PTAR1: variants seen among roughly 807,000 people sequenced by gnomAD.
PTAR1 encodes protein prenyltransferase alpha subunit repeat containing 1.
Under a neutral mutation model 45.5 loss-of-function variants are expected in PTAR1, and 17 were observed. The observed-to-expected ratio is 0.37, with a 90% CI of 0.26 to 0.56. The LOEUF is 0.56. PTAR1 is among the 20% of genes least tolerant of loss of function. PTAR1 has a pLI of 0.77. For synonymous variants in PTAR1, 169 were observed against 171.3 expected (o/e 0.99, Z 0.11); for missense variants, 391 against 476.3 (o/e 0.82, Z 1.67).
intron 3 of PTAR1, among the ~76,000 whole-genome samples, chr9:69,734,669 T>C (rs1825701842): frequency 6.6e-6 from 1 of 152,122 alleles, no homozygotes; most frequent in South Asian, 2.1e-4. Context: ...GGACTTGACA[T>C]GGTCTATTTC....
At chr9:69,757,778 CCT>C (rs1826857886) in intron 1 of PTAR1, 1 of 151,482 alleles carries the variant, frequency 6.6e-6, no homozygotes, top group Admixed American at 6.6e-5. Context: ...AGAAACACAG[CCT>C]CTTTATTTTG....
intron 5 of PTAR1, among the ~76,000 whole-genome samples, chr9:69,724,723 CAGTG>C (rs1825185280): frequency 6.6e-6 from 1 of 152,196 alleles, no homozygotes; most frequent in African/African-American, 2.4e-5. Context: ...TCATTAAACT[CAGTG>C]AGTGAGGGCT....
intron 3 of PTAR1, among the ~76,000 whole-genome samples, chr9:69,740,654 GA>G (rs11298970): frequency 0.034 from 4,846 of 143,028 alleles, 245 homozygotes; most frequent in African/African-American, 0.11. Flanking sequence ...AAACAAAGGG[GA>G]AAAAAAAAAA....
At chr9:69,737,311 G>C (rs183688079) in intron 3 of PTAR1, among the ~76,000 whole-genome samples, 2 of 152,140 alleles carry the variant, frequency 1.3e-5, no homozygotes, top group Admixed American at 1.3e-4. Context: ...AAACTTCTGA[G>C]CTCAAGCAAT....
At chr9:69,744,769 T>C (rs1826203025) in intron 2 of PTAR1, among the ~76,000 whole-genome samples, 1 of 152,146 alleles carries the variant, frequency 6.6e-6, no homozygotes, top group African/African-American at 2.4e-5. Flanking sequence ...TGCACGCAGG[T>C]CCTCTCTAAT....
At chr9:69,741,327 C>T (rs1826034844) in intron 3 of PTAR1, among the ~76,000 whole-genome samples, 1 of 152,176 alleles carries the variant, frequency 6.6e-6, no homozygotes, top group Non-Finnish European at 1.5e-5. Context: ...TGTTTCTCTT[C>T]CAGACACTGC....
In PTAR1 at chr9:69,715,035, AG is replaced by A. The variant is rs1383897140; in HGVS notation, c.*3306del. On this transcript the variant is annotated 3_prime_UTR_variant, in exon 8 of 8. Coordinates refer to ENST00000340434, the MANE Select transcript of PTAR1 (RefSeq NM_001099666.2). Reference sequence around the variant, plus strand: ...TAAAAGCAGTTTCGGCTCTGTATGCAGGATCTGTCCTCTAGTATCACAAATG... The same window carrying A: ...TAAAAGCAGTTTCGGCTCTGTATGCAGATCTGTCCTCTAGTATCACAAATG... The A allele has an allele frequency of 3.3e-5, 5 of 152,122 alleles. No individual in the cohort carries two copies. The highest frequency in any genetic ancestry group is 4.8e-5 in the African/African-American group (2 of 41,444). The allele number at this position is 152,122 out of a possible 1,614,324, so 9.4% of individuals were successfully genotyped here.
At chr9:69,736,323 C>T (rs1019951586) in intron 3 of PTAR1, among the ~76,000 whole-genome samples, 1 of 152,124 alleles carries the variant, frequency 6.6e-6, no homozygotes, top group Admixed American at 6.5e-5. Context: ...CTTTGGGAGG[C>T]CGAGGCAGGT....
chr9:69,748,430 A>C (rs2134157578), intron 2 of PTAR1, among the ~76,000 whole-genome samples: 1 of 152,098 alleles, frequency 6.6e-6, no homozygotes, highest in African/African-American at 2.4e-5. Flanking sequence ...ATCTCTAACT[A>C]ACTAACTAAA....
At chr9:69,747,840 T>C (rs1379634932) in intron 2 of PTAR1, among the ~76,000 whole-genome samples, 1 of 152,218 alleles carries the variant, frequency 6.6e-6, no homozygotes, top group Non-Finnish European at 1.5e-5. Context: ...GCTAAGAATC[T>C]GCAACCTCTG....
chr9:69,719,382 A>C (rs1221428429), intron 6 of PTAR1, among the ~76,000 whole-genome samples: 1 of 152,196 alleles, frequency 6.6e-6, no homozygotes, highest in Non-Finnish European at 1.5e-5. Context: ...TCCCGCGTCT[A>C]ATCTCCAAAA....
In PTAR1 at chr9:69,734,185, G is replaced by T; in HGVS notation, c.393C>A (p.Thr131=). The stretch of plus-strand genomic sequence containing the variant: ...ATGTTTCTGGACTCTTTGGAAACTT[G>T]GTTAAGGCGAGTTTTCCCAGATGTA... The part of the protein sequence containing the change: ...KDLHLGKLAL[T]KFPKSPETWI... Residue 131 remains threonine (T), a synonymous_variant, in exon 4 of 8, where the codon ACC becomes ACA. Coordinates refer to ENST00000340434, the MANE Select transcript of PTAR1 (RefSeq NM_001099666.2). 2 of 1,525,742 alleles carry T rather than the reference G, an allele frequency of 1.3e-6. No homozygotes were observed. Among genetic ancestry groups the T allele is most frequent in the Non-Finnish European group, 1.8e-6 (2 of 1,124,504 alleles). 94.5% of individuals were successfully genotyped at this position (1,525,742 alleles called of 1,614,324 possible).
intron 3 of PTAR1, among the ~76,000 whole-genome samples, chr9:69,740,827 T>C (rs1405927223): frequency 6.6e-6 from 1 of 152,202 alleles, no homozygotes; most frequent in Non-Finnish European, 1.5e-5. Context: ...ATATATGATT[T>C]AAAATGTTCT....
rs373937545 is a variant in PTAR1, at chr9:69,744,255, G to A, written c.257-2397C>T. Among the ~76,000 whole-genome samples the A allele has an allele frequency of 8.9e-4, 135 of 151,880 alleles. 1 individual carries two copies. In the South Asian group the frequency reaches 0.026, roughly 30 times the overall value. Reference sequence around the variant, plus strand: ...TCCTACCCGCCTACCTTCTTTTCTCGGAACATAATTCAGATTTACCTGCTT... The same window carrying A: ...TCCTACCCGCCTACCTTCTTTTCTCAGAACATAATTCAGATTTACCTGCTT... On this transcript the variant is annotated intron_variant, in intron 2 of 7. Coordinates refer to ENST00000340434, the MANE Select transcript of PTAR1 (RefSeq NM_001099666.2).
At position 69,759,898 on chromosome 9, in the gene PTAR1, C is replaced by A. The variant is rs866225196; in HGVS notation, c.41G>T (p.Arg14Leu). The A allele has an allele frequency of 1.3e-6, 2 of 1,529,554 alleles. No homozygotes were observed. The highest frequency in any genetic ancestry group is 1.8e-6 in the Non-Finnish European group (2 of 1,138,838). The allele number at this position is 1,529,554 out of a possible 1,614,324, so 94.7% of individuals were successfully genotyped here. Residue 14 changes from arginine (R) to leucine (L), a missense_variant, in exon 1 of 8, where the codon CGG becomes CTG. Arg to Leu is a moderately radical substitution (Grantham distance 102, BLOSUM62 -2). Around this residue, in one of 5 missense-constraint regions of PTAR1, gnomAD observed 152 missense variants for 160.0 expected, o/e 0.95. Coordinates refer to ENST00000340434, the MANE Select transcript of PTAR1 (RefSeq NM_001099666.2). ...GGCGTTAGTGATGTCCTTCACAACC[C>A]GCTGCACCAGCACCGCCACCTCCTC... The part of the protein sequence containing the change: ...TSEEVAVLVQ[R>L]VVKDITNAFR...
chr9:69,734,258 T>TA lies in PTAR1; in HGVS notation c.324-5dup, dbSNP rs398010830. The TA allele has an allele frequency of 0.23, 48,286 of 206,174 alleles. 8,067 individuals carry two copies. Among genetic ancestry groups the TA allele is most frequent in the African/African-American group, 0.34 (7,426 of 21,972 alleles). The allele number at this position is 206,174 out of a possible 1,614,324, so 12.8% of individuals were successfully genotyped here. On this transcript the variant is annotated splice_polypyrimidine_tract_variant and splice_region_variant and intron_variant, in intron 3 of 7. Coordinates refer to ENST00000340434, the MANE Select transcript of PTAR1 (RefSeq NM_001099666.2). Reference sequence around the variant, plus strand: ...GCCAGAGAGGATCAGCTCTTTCCTGTAAAAAAAAAAAAAAAAAAAAAAAAA... The same window carrying TA: ...GCCAGAGAGGATCAGCTCTTTCCTGTAAAAAAAAAAAAAAAAAAAAAAAAAA...
rs1245618280 is a variant in PTAR1, at chr9:69,716,283, CTT to C, written c.*2057_*2058del. The C allele has an allele frequency of 1.3e-5, 2 of 152,110 alleles. No homozygotes were observed. The highest frequency in any genetic ancestry group is 3.4e-3 in the Middle Eastern group (1 of 294). 9.4% of individuals were successfully genotyped at this position (152,110 alleles called of 1,614,324 possible). On this transcript the variant is annotated 3_prime_UTR_variant, in exon 8 of 8. Coordinates refer to ENST00000340434, the MANE Select transcript of PTAR1 (RefSeq NM_001099666.2). ...ACTCACAGGAGCTAAAAATCATAAA[CTT>C]ATGATTTTATCCATAGAGGTCTAGG...
rs139680282 is a variant in PTAR1 at position 69,716,446 on chromosome 9, T to A, written c.*1896A>T. ...TTTTTTACTTGAGAGAAGAACAAATTCTGTCTACTGGGGCCAGGCTAGACA... is the reference window on the plus strand; with the variant it reads ...TTTTTTACTTGAGAGAAGAACAAATACTGTCTACTGGGGCCAGGCTAGACA... On this transcript the variant is annotated 3_prime_UTR_variant, in exon 8 of 8. Coordinates refer to ENST00000340434, the MANE Select transcript of PTAR1 (RefSeq NM_001099666.2). 36 of 152,258 alleles carry A rather than the reference T, an allele frequency of 2.4e-4. No homozygotes were observed. The highest frequency in any genetic ancestry group is 8.2e-4 in the African/African-American group (34 of 41,554). The allele number at this position is 152,258 out of a possible 1,614,324, so 9.4% of individuals were successfully genotyped here.
At chr9:69,753,531 T>C (rs1037841927) in intron 1 of PTAR1, among the ~76,000 whole-genome samples, 5 of 152,134 alleles carry the variant, frequency 3.3e-5, no homozygotes, top group Non-Finnish European at 7.4e-5. Context: ...TACATACATA[T>C]CAGTATCAGG....
Sources: gnomAD v4.1 joint callset for allele counts (sites outside exome capture counted in the v4.1 genomes callset) on GRCh38, gnomAD v4.1.1 for gene constraint, gnomAD v4.1.1 regional missense constraint, MANE v1.5 for transcripts, NCBI Gene and HGNC (gene_info 2026-07-23, HGNC 2026-07-21) for gene names.